CTNNA2: variants seen among roughly 807,000 people sequenced by gnomAD.
CTNNA2 encodes catenin alpha-2.
Under a neutral mutation model 101.0 loss-of-function variants are expected in CTNNA2, and 42 were observed. That is an observed-to-expected ratio of 0.42 (90% CI 0.32 to 0.54). CTNNA2 has a LOEUF of 0.54. Among genes scored for constraint, CTNNA2 ranks in the 20% least tolerant of loss-of-function variants. The probability of loss-of-function intolerance (pLI) is 0.14; values close to 1 mark genes in which losing one functional copy is unlikely to be tolerated. For synonymous variants in CTNNA2, 450 were observed against 456.4 expected (o/e 0.99, Z 0.18); for missense variants, 871 against 1,223.1 (o/e 0.71, Z 4.29).
intron 7 of CTNNA2, among the ~76,000 whole-genome samples, chr2:80,003,908 A>G (rs2103975464): frequency 6.6e-6 from 1 of 152,296 alleles, no homozygotes; most frequent in South Asian, 2.1e-4. Context: ...CAGCTTTAGG[A>G]GAACAAGGGA....
intron 7 of CTNNA2, among the ~76,000 whole-genome samples, chr2:80,114,188 A>G (rs1701383275): frequency 6.6e-6 from 1 of 152,210 alleles, no homozygotes; most frequent in African/African-American, 2.4e-5. Flanking sequence ...GAGAAGATGA[A>G]AAATATCTGG....
At chr2:79,868,889 T>C (rs1028816588) in intron 4 of CTNNA2, among the ~76,000 whole-genome samples, 4 of 152,158 alleles carry the variant, frequency 2.6e-5, no homozygotes, top group African/African-American at 9.7e-5. Context: ...TTGATGAAAT[T>C]ATTTCTATAA....
intron 7 of CTNNA2, among the ~76,000 whole-genome samples, chr2:80,008,554 C>T (rs551750024): frequency 5.9e-5 from 9 of 152,246 alleles, no homozygotes; most frequent in East Asian, 1.9e-4. Context: ...TGGGAGGAAC[C>T]GAGGAAACAG....
At chr2:79,908,804 A>G (rs1488966396) in intron 6 of CTNNA2, among the ~76,000 whole-genome samples, 1 of 152,206 alleles carries the variant, frequency 6.6e-6, no homozygotes, top group African/African-American at 2.4e-5. Context: ...CCAGATCCCT[A>G]TAAAGACTGT....
At chr2:79,410,798 G>A (rs1053542072) in intron 4 of CTNNA2, among the ~76,000 whole-genome samples, 1 of 150,908 alleles carries the variant, frequency 6.6e-6, no homozygotes, top group Non-Finnish European at 1.5e-5. Context: ...TTGGTATCAG[G>A]ATGATGCTGG....
intron 3 of CTNNA2, among the ~76,000 whole-genome samples, chr2:79,774,846 T>C (rs1485369013): frequency 6.6e-6 from 1 of 152,196 alleles, no homozygotes; most frequent in Non-Finnish European, 1.5e-5. Context: ...AAGGAATAGA[T>C]TCCTAAGCCT....
chr2:79,456,607 T>C (rs1208490191), intron 4 of CTNNA2, among the ~76,000 whole-genome samples: 2 of 152,218 alleles, frequency 1.3e-5, no homozygotes, highest in Non-Finnish European at 2.9e-5. Context: ...GCTTGTAGAT[T>C]CTGTTGCATT....
chr2:80,644,796 C>A (rs1006533565), intron 18 of CTNNA2, among the ~76,000 whole-genome samples: 1 of 152,168 alleles, frequency 6.6e-6, no homozygotes, highest in South Asian at 2.1e-4. Flanking sequence ...TCTGCCTTAG[C>A]AGGTGGCTTG....
At chr2:80,200,035 G>C (rs1388958579) in intron 7 of CTNNA2, among the ~76,000 whole-genome samples, 1 of 152,124 alleles carries the variant, frequency 6.6e-6, no homozygotes, top group African/African-American at 2.4e-5. Flanking sequence ...TAGATACTTG[G>C]AGACATTTGA....
intron 7 of CTNNA2, among the ~76,000 whole-genome samples, chr2:80,247,442 C>A (rs1671411836): frequency 6.6e-6 from 1 of 152,156 alleles, no homozygotes; most frequent in Non-Finnish European, 1.5e-5. Context: ...TTCCAGACCT[C>A]CTGTGTGAAC....
chr2:80,641,916 C>T (rs1270231795), intron 18 of CTNNA2, among the ~76,000 whole-genome samples: 4 of 152,042 alleles, frequency 2.6e-5, no homozygotes, highest in Non-Finnish European at 5.9e-5. Context: ...CAAAATCAAA[C>T]ATGTTATACA....
intron 2 of CTNNA2, among the ~76,000 whole-genome samples, chr2:79,224,959 T>C (rs1022756095): frequency 1.3e-5 from 2 of 151,998 alleles, no homozygotes; most frequent in Non-Finnish European, 2.9e-5. Flanking sequence ...AAGTATTTTT[T>C]TTCTTTCTTA....
At chr2:79,280,663 A>AAGAGAG (rs1221321835) in intron 2 of CTNNA2, among the ~76,000 whole-genome samples, 7 of 49,348 alleles carry the variant, frequency 1.4e-4, no homozygotes, top group Non-Finnish European at 2.7e-4. Flanking sequence ...GTGTAAGAGA[A>AAGAGAG]AGAGAGAGAG....
At chr2:80,386,208 C>T (rs1406883793) in intron 7 of CTNNA2, among the ~76,000 whole-genome samples, 4 of 152,142 alleles carry the variant, frequency 2.6e-5, no homozygotes, top group African/African-American at 9.7e-5. Flanking sequence ...TCCCTTTTCA[C>T]CTTTACCTCC....
At chr2:79,491,450 C>A (rs1001244032) in intron 4 of CTNNA2, among the ~76,000 whole-genome samples, 1 of 152,082 alleles carries the variant, frequency 6.6e-6, no homozygotes, top group Non-Finnish European at 1.5e-5. Context: ...CCAAAGTTAA[C>A]AGAATTCAAG....
chr2:79,985,458 G>T (rs1691692558), intron 7 of CTNNA2, among the ~76,000 whole-genome samples: 1 of 152,094 alleles, frequency 6.6e-6, no homozygotes, highest in Admixed American at 6.6e-5. Flanking sequence ...GGCAGCCTCT[G>T]AGTGTTTTGC....
intron 7 of CTNNA2, among the ~76,000 whole-genome samples, chr2:80,297,443 T>G (rs973273222): frequency 3.3e-5 from 5 of 152,214 alleles, no homozygotes; most frequent in African/African-American, 1.2e-4. Context: ...AAAGGCACCA[T>G]ACCAGCGACT....
chr2:79,226,848 C>A (rs1043647523), intron 2 of CTNNA2, among the ~76,000 whole-genome samples: 1 of 152,094 alleles, frequency 6.6e-6, no homozygotes, highest in Non-Finnish European at 1.5e-5. Context: ...TTCTGAGATA[C>A]AGGTAACTTC....
At chr2:79,626,278 C>T (rs1463739687) in intron 1 of CTNNA2, among the ~76,000 whole-genome samples, 1 of 152,046 alleles carries the variant, frequency 6.6e-6, no homozygotes, top group Non-Finnish European at 1.5e-5. Flanking sequence ...AGCAGTGGTC[C>T]CAGAACAGAG....
Sources: gnomAD v4.1 joint callset for allele counts (sites outside exome capture counted in the v4.1 genomes callset) on GRCh38, gnomAD v4.1.1 for gene constraint, MANE v1.5 for transcripts, NCBI Gene and HGNC (gene_info 2026-07-23, HGNC 2026-07-21) for gene names.